MBTPS1: variants seen among roughly 807,000 people sequenced by gnomAD.
MBTPS1 encodes membrane-bound transcription factor site-1 protease.
In MBTPS1, 94 loss-of-function variants were observed where a neutral mutation model predicts 127.8. That is an observed-to-expected ratio of 0.74 (90% CI 0.62 to 0.87). The LOEUF is 0.87. Among genes scored for constraint, MBTPS1 ranks in the 40% least tolerant of loss-of-function variants. The pLI is 0.00. For missense variants in MBTPS1, 1,636 were observed against 1,353.2 expected (o/e 1.21, Z -3.28); for synonymous variants, 632 against 509.4 (o/e 1.24, Z -3.24).
intron 3 of MBTPS1, among the ~76,000 whole-genome samples, chr16:84,096,767 C>T (rs577601111): frequency 2.0e-5 from 3 of 152,264 alleles, no homozygotes; most frequent in South Asian, 4.1e-4. Context: ...CCAACTGAAA[C>T]GGTTCTTAAT....
chr16:84,066,156 A>C (rs958763155), intron 17 of MBTPS1, among the ~76,000 whole-genome samples: 1 of 152,192 alleles, frequency 6.6e-6, no homozygotes, highest in Non-Finnish European at 1.5e-5. Context: ...CTGTGGGGGA[A>C]CTTCCTACAC....
chr16:84,065,110 C>A (rs1433448860), intron 18 of MBTPS1, among the ~76,000 whole-genome samples: 2 of 150,684 alleles, frequency 1.3e-5, no homozygotes, highest in Non-Finnish European at 2.9e-5. Flanking sequence ...CATCAAGTAA[C>A]CTTGAAGGTA....
chr16:84,067,553 T>C (rs895382822), intron 16 of MBTPS1, 114 bp downstream of exon 16: 33 of 832,824 alleles, frequency 4.0e-5, no homozygotes, highest in Non-Finnish European at 5.6e-5. Flanking sequence ...TCTCTGAATG[T>C]GTCTGTGCCA....
intron 13 of MBTPS1, 108 bp from the exon 14 acceptor site, chr16:84,070,146 C>T: frequency 1.1e-6 from 1 of 892,592 alleles, no homozygotes; most frequent in South Asian, 1.8e-5. Flanking sequence ...AATTTGAACA[C>T]AAGAATTTCC....
At chr16:84,077,134 A>G (rs2085867425) in intron 11 of MBTPS1, among the ~76,000 whole-genome samples, 1 of 151,956 alleles carries the variant, frequency 6.6e-6, no homozygotes, top group Non-Finnish European at 1.5e-5. Context: ...CTGAGACGGG[A>G]CAGTCACCTG....
At position 84,099,238 on chromosome 16, in the gene MBTPS1, CT is replaced by C; in HGVS notation, c.235del (p.Ser79AlafsTer4). 6.2e-7 allele frequency: 1 copy of C among 1,614,096 alleles called. No individual in the cohort carries two copies. The highest frequency in any genetic ancestry group is 8.5e-7 in the Non-Finnish European group (1 of 1,179,946). On this transcript the variant is annotated frameshift_variant, in exon 3 of 23. Coordinates refer to ENST00000343411, the MANE Select transcript of MBTPS1 (RefSeq NM_003791.4). LOFTEE classifies it high-confidence loss of function. ...AATTCTCCAATTGTCTACTTCACTG[CT>C]CTTCAGGGCACTTGAAATAAATGAA... The part of the protein sequence containing the change: ...RNSFISSALK[S>X]SEVDNWRIIP...
chr16:84,082,261 T>A, intron 10 of MBTPS1: 1 of 157,906 alleles, frequency 6.3e-6, no homozygotes, highest in African/African-American at 2.4e-5. Flanking sequence ...AGGAAGAAGA[T>A]GCCATGGGAC....
At chr16:84,066,332 C>A (rs867652669) in intron 17 of MBTPS1, among the ~76,000 whole-genome samples, 157 bp downstream of exon 17, 2 of 152,172 alleles carry the variant, frequency 1.3e-5, no homozygotes, top group African/African-American at 4.8e-5. Context: ...AAAACTAGAG[C>A]CTCACAGATG....
chr16:84,094,302 A>C (rs555266325), intron 4 of MBTPS1, among the ~76,000 whole-genome samples: 1 of 152,226 alleles, frequency 6.6e-6, no homozygotes, highest in Non-Finnish European at 1.5e-5. Flanking sequence ...TATTCCCAAT[A>C]AGGACAGCAA....
chr16:84,085,011 C>T lies in MBTPS1; in HGVS notation c.1258G>A (p.Val420Ile). The change falls in exon 10 of 23, where the codon GTT becomes ATT. Residue 420 changes from valine (V) to isoleucine (I), a missense_variant. Physicochemically the swap from Val to Ile is conservative, Grantham distance 29. Coordinates refer to ENST00000343411, the MANE Select transcript of MBTPS1 (RefSeq NM_003791.4). ...ACTAACAAGGTGACAGCACCTGCAA[C>T]CACTGGAGAAGCAACACTGGTCCCT... ...LSGTSVASPV[V>I]AGAVTLLVST... is the part of the protein sequence containing the mutation. 1.2e-6 allele frequency: 2 copies of T among 1,614,190 alleles called. No homozygotes were observed. Among genetic ancestry groups the T allele is most frequent in the Non-Finnish European group, 1.7e-6 (2 of 1,180,026 alleles).
chr16:84,066,150 G>T (rs1210147437), intron 17 of MBTPS1, among the ~76,000 whole-genome samples: 1 of 152,134 alleles, frequency 6.6e-6, no homozygotes, highest in Non-Finnish European at 1.5e-5. Flanking sequence ...CCTTACCTGT[G>T]GGGGAACTTC....
At chr16:84,087,590 G>T (rs113506820) in intron 8 of MBTPS1, 130 bp from the exon 9 acceptor site, 1 of 628,308 alleles carries the variant, frequency 1.6e-6, no homozygotes. Context: ...CTGCTTCTGT[G>T]GGAAGACGTG....
chr16:84,105,520 T>C (rs1290483203), intron 1 of MBTPS1, among the ~76,000 whole-genome samples: 3 of 151,944 alleles, frequency 2.0e-5, no homozygotes, highest in African/African-American at 2.4e-5. Context: ...CTGAGCTCAG[T>C]AGCACTGAAA....
chr16:84,083,248 A>T (rs983927192), intron 10 of MBTPS1, among the ~76,000 whole-genome samples: 28 of 152,220 alleles, frequency 1.8e-4, no homozygotes, highest in Non-Finnish European at 1.2e-4. Context: ...CAAACAGGCC[A>T]GGTAGCCCAC....
rs745434218 is a variant in MBTPS1 at position 84,093,725 on chromosome 16, C to A, written c.722G>T (p.Arg241Leu). Residue 241 changes from arginine to leucine, a missense_variant, in exon 5 of 23, where the codon CGA becomes CTA. Coordinates refer to ENST00000343411, the MANE Select transcript of MBTPS1 (RefSeq NM_003791.4). ...VKERTNWTNE[R>L]TLDDGLGHGT... Reference sequence around the variant, plus strand: ...CTGAGACCCACCATCGTCCAGCGTTCGCTCGTTGGTCCAGTTGGTTCTCTC... The same window carrying A: ...CTGAGACCCACCATCGTCCAGCGTTAGCTCGTTGGTCCAGTTGGTTCTCTC... The A allele has an allele frequency of 1.2e-6, 2 of 1,613,018 alleles. No homozygotes were observed. The highest frequency in any genetic ancestry group is 1.3e-5 in the African/African-American group (1 of 75,018).
chr16:84,094,827 T>G (rs1052134999), intron 4 of MBTPS1, among the ~76,000 whole-genome samples: 2 of 152,160 alleles, frequency 1.3e-5, no homozygotes, highest in Non-Finnish European at 2.9e-5. Flanking sequence ...TATTAAAAGT[T>G]GAAGTATCTC....
intron 8 of MBTPS1, 68 bp downstream of exon 8, chr16:84,090,807 A>T: frequency 8.9e-7 from 1 of 1,117,724 alleles, no homozygotes; most frequent in Non-Finnish European, 1.4e-6. Flanking sequence ...ATACACAAAC[A>T]GATAACAATT....
intron 7 of MBTPS1, 93 bp from the exon 8 acceptor site, chr16:84,091,035 A>T: frequency 1.0e-6 from 1 of 963,402 alleles, no homozygotes; most frequent in Non-Finnish European, 1.6e-6. Context: ...ACGTCTAAAA[A>T]CAGTTCTAAA....
chr16:84,085,055 C>A lies in MBTPS1; in HGVS notation c.1214G>T (p.Gly405Val). 1.2e-6 allele frequency: 2 copies of A among 1,614,216 alleles called. No homozygotes were observed. Among genetic ancestry groups the A allele is most frequent in the South Asian group, 1.1e-5 (1 of 91,084 alleles). ...GAGVRGSGVK[G>V]GCRALSGTSV... Reference sequence around the variant, plus strand: ...GGTCCCTGAGAGGGCCCGGCACCCCCCTTTCACGCCAGAACCCCGCACGCC... The same window carrying A: ...GGTCCCTGAGAGGGCCCGGCACCCCACTTTCACGCCAGAACCCCGCACGCC... Residue 405 changes from glycine to valine, a missense_variant, in exon 10 of 23, where the codon GGG becomes GTG. Physicochemically the swap from Gly to Val is moderately radical, Grantham distance 109 (BLOSUM62 -3). Coordinates refer to ENST00000343411, the MANE Select transcript of MBTPS1 (RefSeq NM_003791.4).
Sources: gnomAD v4.1 joint callset for allele counts (sites outside exome capture counted in the v4.1 genomes callset) on GRCh38, gnomAD v4.1.1 for gene constraint, MANE v1.5 for transcripts, NCBI Gene and HGNC (gene_info 2026-07-23, HGNC 2026-07-21) for gene names.